Variants in PCYT1A observed in about 807,000 individuals in gnomAD.
PCYT1A encodes the protein phosphate cytidylyltransferase 1A, choline.
A neutral mutation model predicts 43.7 loss-of-function variants in PCYT1A; 25 were observed. That is an observed-to-expected ratio of 0.57 (90% CI 0.42 to 0.80). The LOEUF (loss-of-function observed/expected upper bound fraction) is 0.80. Among genes scored for constraint, PCYT1A ranks in the 30% least tolerant of loss-of-function variants. The pLI is 0.00. For synonymous variants in PCYT1A, 172 were observed against 170.7 expected (o/e 1.01, Z -0.06); for missense variants, 421 against 474.2 (o/e 0.89, Z 1.04).
chr3:196,261,500 C>T (rs1051569358), intron 2 of PCYT1A, among the ~76,000 whole-genome samples: 3 of 151,938 alleles, frequency 2.0e-5, no homozygotes, highest in Admixed American at 6.6e-5. Context: ...ACTAAAAATA[C>T]AAAAATTAGC....
chr3:196,248,876 C>T (rs961111555), intron 3 of PCYT1A, among the ~76,000 whole-genome samples: 2 of 152,066 alleles, frequency 1.3e-5, no homozygotes, highest in African/African-American at 4.8e-5. Context: ...CCTGCCTCCG[C>T]CTCCTGAGTA....
rs1028950307 is a variant in PCYT1A at position 196,236,694 on chromosome 3, T to TCTCG, written c.*1990_*1993dup. ...TTTTTGTTTTGTTTTGGAGACAGAGTCTCGCTCTGTCACCCAGGCTGGACT... is the reference window on the plus strand; with the variant it reads ...TTTTTGTTTTGTTTTGGAGACAGAGTCTCGCTCGCTCTGTCACCCAGGCTGGACT... On this transcript the variant is annotated 3_prime_UTR_variant, in exon 9 of 9. Coordinates refer to ENST00000431016, the MANE Select transcript of PCYT1A (RefSeq NM_001312673.2). 3.3e-5 allele frequency: 5 copies of TCTCG among 152,118 alleles called. No individual in the cohort carries two copies. The highest frequency in any genetic ancestry group is 1.2e-4 in the African/African-American group (5 of 41,392). The allele number at this position is 152,118 out of a possible 1,614,324, so 9.4% of individuals were successfully genotyped here.
In PCYT1A at chr3:196,238,663, A is replaced by G. The variant is rs375872012; in HGVS notation, c.*25T>C. ...TCTGAAGGTAATGGGACAGAAAGGG[A>G]GGACAGGAAAGGAGGGAGGAAACAT... On this transcript the variant is annotated 3_prime_UTR_variant, in exon 9 of 9. Coordinates refer to ENST00000431016, the MANE Select transcript of PCYT1A (RefSeq NM_001312673.2). 16 of 1,421,056 alleles carry G rather than the reference A, an allele frequency of 1.1e-5. No homozygotes were observed. Among genetic ancestry groups the G allele is most frequent in the Non-Finnish European group, 2.8e-6 (3 of 1,059,858 alleles). The allele number at this position is 1,421,056 out of a possible 1,614,324, so 88.0% of individuals were successfully genotyped here.
intron 7 of PCYT1A, 176 bp downstream of exon 7, chr3:196,241,771 CG>C: frequency 1.7e-6 from 2 of 1,196,856 alleles, no homozygotes; most frequent in Admixed American, 4.0e-5. Flanking sequence ...CAGACCGTAA[CG>C]GCAGAAACTG....
chr3:196,285,018 C>A (rs1196205573), intron 1 of PCYT1A, among the ~76,000 whole-genome samples: 1 of 152,208 alleles, frequency 6.6e-6, no homozygotes, highest in Non-Finnish European at 1.5e-5. Flanking sequence ...CATTCCCATT[C>A]AAGAACCTAT....
chr3:196,252,617 GAATT>G lies in PCYT1A; in HGVS notation c.218-4298_218-4295del, dbSNP rs1284723761. On this transcript the variant is annotated intron_variant, in intron 3 of 8. Coordinates refer to ENST00000431016, the MANE Select transcript of PCYT1A (RefSeq NM_001312673.2). The surrounding 1 kb of genome is among the most constrained non-coding windows in gnomAD (Gnocchi z 4.0). The stretch of plus-strand genomic sequence containing the variant: ...ATATACCAATCCAATGAAAAACTAA[GAATT>G]AATTAATGGATTTAAGAGTCAGAAA... 3.3e-5 allele frequency among the ~76,000 whole-genome samples: 5 copies of G among 152,168 alleles called. No individual in the cohort carries two copies. The East Asian group carries it at 9.6e-4, about 29-fold the overall frequency.
Position 196,277,617 on chromosome 3 carries a change from T to G in PCYT1A, c.-10-7076A>C, listed in dbSNP as rs553975963. 1.6e-3 allele frequency among the ~76,000 whole-genome samples: 251 copies of G among 152,352 alleles called. No individual in the cohort carries two copies. Among genetic ancestry groups the G allele is most frequent in the Non-Finnish European group, 2.8e-3 (188 of 68,028 alleles). Reference sequence around the variant, plus strand: ...TGGGCGCGGTGGCTCATGCCTGTAATCCCAGCACTTTGGGAGACCAAGGTG... The same window carrying G: ...TGGGCGCGGTGGCTCATGCCTGTAAGCCCAGCACTTTGGGAGACCAAGGTG... On this transcript the variant is annotated intron_variant, in intron 1 of 8. Coordinates refer to ENST00000431016, the MANE Select transcript of PCYT1A (RefSeq NM_001312673.2). This position sits in a 1 kb window ranked among gnomAD's most constrained non-coding sequence, Gnocchi z 4.1.
In PCYT1A at chr3:196,238,447, G is replaced by GA. The variant is rs1490867912; in HGVS notation, c.*240_*241insT. 1 of 357,614 alleles carries GA rather than the reference G, an allele frequency of 2.8e-6. No individual in the cohort carries two copies. The allele number at this position is 357,614 out of a possible 1,614,324, so 22.2% of individuals were successfully genotyped here. On this transcript the variant is annotated 3_prime_UTR_variant, in exon 9 of 9. Coordinates refer to ENST00000431016, the MANE Select transcript of PCYT1A (RefSeq NM_001312673.2). ...ATAAACAGTGAAACAAAGCCCTTGG[G>GA]GGGGGGTAAATGGATGCAGAGCAGG...
At chr3:196,244,932 T>C (rs1724511739) in intron 5 of PCYT1A, among the ~76,000 whole-genome samples, 1 of 152,120 alleles carries the variant, frequency 6.6e-6, no homozygotes, top group Non-Finnish European at 1.5e-5. Flanking sequence ...TAATCTCAAG[T>C]ACCCAGGGAC....
At chr3:196,278,859 T>C (rs1725668308) in intron 1 of PCYT1A, among the ~76,000 whole-genome samples, 1 of 150,668 alleles carries the variant, frequency 6.6e-6, no homozygotes, top group African/African-American at 2.5e-5. Flanking sequence ...CACATGCTTG[T>C]AGTCCCAGCT....
At chr3:196,285,014 C>T (rs1270149182) in intron 1 of PCYT1A, among the ~76,000 whole-genome samples, 1 of 152,204 alleles carries the variant, frequency 6.6e-6, no homozygotes, top group African/African-American at 2.4e-5. Flanking sequence ...AACTCATTCC[C>T]ATTCAAGAAC....
intron 5 of PCYT1A, among the ~76,000 whole-genome samples, chr3:196,246,369 T>C (rs772124143): frequency 1.3e-5 from 2 of 151,958 alleles, no homozygotes; most frequent in African/African-American, 2.4e-5. Flanking sequence ...CCTTCTCATC[T>C]TTTGTACCCA....
At chr3:196,244,386 G>A (rs1724483169) in intron 5 of PCYT1A, among the ~76,000 whole-genome samples, 3 of 146,190 alleles carry the variant, frequency 2.1e-5, no homozygotes, top group East Asian at 2.1e-4. Context: ...GCCGCCCATC[G>A]TCTGAGATGT....
chr3:196,266,308 TA>T (rs1209331170), intron 2 of PCYT1A, among the ~76,000 whole-genome samples: 1 of 149,626 alleles, frequency 6.7e-6, no homozygotes, highest in East Asian at 2.1e-4. Context: ...CCGTCTCTAC[TA>T]AAAAATACAA....
In PCYT1A at chr3:196,248,306, C is replaced by G. The variant is rs759039449; in HGVS notation, c.235G>C (p.Val79Leu). The G allele has an allele frequency of 6.2e-7, 1 of 1,606,934 alleles. No homozygotes were observed. Among genetic ancestry groups the G allele is most frequent in the Non-Finnish European group, 8.5e-7 (1 of 1,173,496 alleles). ...RGTPCERPVR[V>L]YADGIFDLFH... ...AAGTCAAATATTCCATCGGCATAAA[C>G]TCTCACAGGTCGCTCACCTAAATCC... Residue 79 changes from valine (V) to leucine (L), a missense_variant, in exon 4 of 9, where the codon GTT becomes CTT. Physicochemically the swap from Val to Leu is conservative, Grantham distance 32. Coordinates refer to ENST00000431016, the MANE Select transcript of PCYT1A (RefSeq NM_001312673.2).
chr3:196,254,455 A>G (rs1411666444), intron 3 of PCYT1A, among the ~76,000 whole-genome samples: 1 of 152,048 alleles, frequency 6.6e-6, no homozygotes, highest in Admixed American at 6.6e-5. Flanking sequence ...GGCTCAAACA[A>G]TCCTCTCACC....
At chr3:196,262,252 T>C (rs984863422) in intron 2 of PCYT1A, among the ~76,000 whole-genome samples, 2 of 152,238 alleles carry the variant, frequency 1.3e-5, no homozygotes, top group African/African-American at 4.8e-5. Context: ...ATCCCAACTC[T>C]ATCATTTAAT....
intron 2 of PCYT1A, chr3:196,267,493 T>TCG (rs1349672906): frequency 2.9e-6 from 1 of 342,480 alleles, no homozygotes; most frequent in Non-Finnish European, 5.9e-6. Context: ...GGCAGGAGAA[T>TCG]CGCTTGATCC....
At chr3:196,246,896 T>C (rs369880567) in intron 5 of PCYT1A, among the ~76,000 whole-genome samples, 198 of 104,820 alleles carry the variant, frequency 1.9e-3, no homozygotes, top group Middle Eastern at 5.7e-3. Context: ...AGTGGTGTAA[T>C]TTGTGGCGAG....
Sources: gnomAD v4.1 joint callset for allele counts (sites outside exome capture counted in the v4.1 genomes callset) on GRCh38, gnomAD v4.1.1 for gene constraint, Gnocchi (gnomAD v3.1) non-coding constraint, MANE v1.5 for transcripts, NCBI Gene and HGNC (gene_info 2026-07-23, HGNC 2026-07-21) for gene names.